ROBO1: variants seen among roughly 807,000 people sequenced by gnomAD.
The protein encoded by ROBO1 is roundabout guidance receptor 1.
ROBO1 carries 149 observed loss-of-function variants against 195.9 expected under a neutral mutation model. The observed-to-expected ratio is 0.76, with a 90% CI of 0.67 to 0.87. The LOEUF is 0.87. Ranked by LOEUF, ROBO1 falls within the 40% of genes least tolerant of loss-of-function variation. The pLI is 0.00. For missense variants in ROBO1, 1,933 were observed against 2,068.3 expected (o/e 0.93, Z 1.27); for synonymous variants, 816 against 733.2 (o/e 1.11, Z -1.82).
chr3:78,685,258 T>C (rs906018615), intron 10 of ROBO1, among the ~76,000 whole-genome samples: 3 of 152,196 alleles, frequency 2.0e-5, no homozygotes, highest in Non-Finnish European at 2.9e-5. Context: ...TGTTCAGCAC[T>C]GTGTCCTTAC....
chr3:79,421,257 A>G (rs1290360850), intron 2 of ROBO1, among the ~76,000 whole-genome samples: 1 of 152,072 alleles, frequency 6.6e-6, no homozygotes, highest in Non-Finnish European at 1.5e-5. Context: ...GAATTAAAAA[A>G]TTACCTATTG....
chr3:79,252,160 C>T (rs2082741778), intron 2 of ROBO1, among the ~76,000 whole-genome samples: 3 of 151,972 alleles, frequency 2.0e-5, no homozygotes, highest in Non-Finnish European at 4.4e-5. Context: ...TATTTCTGGT[C>T]ATATATTGAA....
At chr3:79,137,048 C>T (rs1019434483) in intron 2 of ROBO1, among the ~76,000 whole-genome samples, 1 of 152,054 alleles carries the variant, frequency 6.6e-6, no homozygotes, top group Non-Finnish European at 1.5e-5. Flanking sequence ...TTACAATCAT[C>T]TCCAATGTTG....
intron 3 of ROBO1, among the ~76,000 whole-genome samples, chr3:79,097,955 C>A (rs1304629402): frequency 6.6e-6 from 1 of 151,608 alleles, no homozygotes; most frequent in Non-Finnish European, 1.5e-5. Context: ...AATTCTAAAT[C>A]AAGCATGATA....
rs1255413552 is a variant in ROBO1 at position 79,596,418 on chromosome 3, G to T, written c.-50-6457C>A. ...ATCAGGCTTGAGCTAGGCTCTAAAG[G>T]GTCTGTTGAAGTTGCACAAGTCCAG... is the stretch of plus-strand genomic sequence containing the variant. On this transcript the variant is annotated intron_variant, in intron 1 of 30. Coordinates refer to ENST00000464233, the MANE Select transcript of ROBO1 (RefSeq NM_002941.4). Among the ~76,000 whole-genome samples the T allele has an allele frequency of 4.6e-5, 7 of 151,876 alleles. No homozygotes were observed. In the South Asian group the frequency reaches 1.5e-3, roughly 32 times the overall value.
chr3:79,561,139 C>T (rs559392204), intron 2 of ROBO1, among the ~76,000 whole-genome samples: 47 of 152,272 alleles, frequency 3.1e-4, no homozygotes, highest in African/African-American at 1.1e-3. Context: ...CATTCCTTTA[C>T]TTGACTTTTC....
At chr3:79,683,420 A>G (rs1947008268) in intron 1 of ROBO1, among the ~76,000 whole-genome samples, 1 of 152,138 alleles carries the variant, frequency 6.6e-6, no homozygotes, top group South Asian at 2.1e-4. Context: ...GAGATCAACT[A>G]CATGTGAATC....
intron 4 of ROBO1, among the ~76,000 whole-genome samples, chr3:78,926,062 G>A (rs72490907): frequency 6.6e-6 from 1 of 151,886 alleles, no homozygotes; most frequent in Admixed American, 6.6e-5. Flanking sequence ...GGAGAGATGG[G>A]GTTTCATCAT....
At chr3:79,049,825 C>T (rs1174559627) in intron 3 of ROBO1, among the ~76,000 whole-genome samples, 1 of 152,112 alleles carries the variant, frequency 6.6e-6, no homozygotes, top group East Asian at 1.9e-4. Context: ...AAATAAAATA[C>T]TTTACAGACA....
intron 2 of ROBO1, among the ~76,000 whole-genome samples, chr3:79,226,540 TTTC>T (rs1337479402): frequency 3.3e-5 from 5 of 151,410 alleles, no homozygotes; most frequent in Admixed American, 1.3e-4. Context: ...TTTTTCTTTC[TTTC>T]TTTTTTTTTT....
At chr3:78,948,934 C>G (rs2040614637) in intron 3 of ROBO1, among the ~76,000 whole-genome samples, 2 of 151,878 alleles carry the variant, frequency 1.3e-5, no homozygotes, top group African/African-American at 4.8e-5. Flanking sequence ...AATAAAATAC[C>G]TAGGAATCCA....
rs550028765 is a variant in ROBO1 at position 78,626,048 on chromosome 3, A to G, written c.3875+1273T>C. ...AGGAAGGTGGAAAGGAGGACATAAG[A>G]GATACAAAAGAAGAGCTAGCCAGAA... On this transcript the variant is annotated intron_variant, in intron 26 of 30. Coordinates refer to ENST00000464233, the MANE Select transcript of ROBO1 (RefSeq NM_002941.4). 2.8e-3 allele frequency among the ~76,000 whole-genome samples: 423 copies of G among 152,258 alleles called. 4 individuals are homozygous for G. Among genetic ancestry groups the G allele is most frequent in the African/African-American group, 9.6e-3 (399 of 41,544 alleles).
intron 4 of ROBO1, among the ~76,000 whole-genome samples, chr3:78,911,517 G>A (rs909169403): frequency 1.3e-5 from 2 of 151,934 alleles, no homozygotes; most frequent in Admixed American, 6.6e-5. Flanking sequence ...AACTGTATTC[G>A]TGAAATTGTC....
At chr3:79,396,345 C>T (rs2106749430) in intron 2 of ROBO1, among the ~76,000 whole-genome samples, 1 of 152,010 alleles carries the variant, frequency 6.6e-6, no homozygotes, top group South Asian at 2.1e-4. Flanking sequence ...TGAATTTTAA[C>T]ATCTTTTGAT....
At chr3:79,041,790 T>A (rs2078492159) in intron 3 of ROBO1, among the ~76,000 whole-genome samples, 1 of 152,220 alleles carries the variant, frequency 6.6e-6, no homozygotes, top group Non-Finnish European at 1.5e-5. Context: ...GCAGATGGCA[T>A]ACATGCCACC....
chr3:79,300,970 T>G (rs995790900), intron 2 of ROBO1, among the ~76,000 whole-genome samples: 1 of 152,070 alleles, frequency 6.6e-6, no homozygotes, highest in Admixed American at 6.5e-5. Context: ...AACACACCAC[T>G]GGGCTCTACC....
At chr3:78,878,943 C>T (rs1426102827) in intron 4 of ROBO1, among the ~76,000 whole-genome samples, 1 of 152,102 alleles carries the variant, frequency 6.6e-6, no homozygotes, top group East Asian at 1.9e-4. Flanking sequence ...TTTTAAAGTG[C>T]ATACTTGGAT....
At chr3:79,349,661 T>C (rs1278827242) in intron 2 of ROBO1, among the ~76,000 whole-genome samples, 1 of 152,128 alleles carries the variant, frequency 6.6e-6, no homozygotes, top group Non-Finnish European at 1.5e-5. Flanking sequence ...AACAAACCTA[T>C]GTGTGTATCG....
intron 2 of ROBO1, among the ~76,000 whole-genome samples, chr3:79,550,168 GAAGAAAGA>G (rs1200148231): frequency 1.0e-5 from 1 of 96,912 alleles, no homozygotes; most frequent in South Asian, 3.4e-4. Flanking sequence ...AGAAAGAAAG[GAAGAAAGA>G]AAGAAAGAAA....
Sources: allele counts gnomAD v4.1 joint callset (sites outside exome capture counted in the v4.1 genomes callset), GRCh38; gene constraint gnomAD v4.1.1; transcripts MANE v1.5; gene names NCBI Gene and HGNC (gene_info 2026-07-23, HGNC 2026-07-21).